Variants in MEMO1 observed in about 807,000 individuals in gnomAD.
The protein encoded by MEMO1 is protein MEMO1.
MEMO1 carries 6 observed loss-of-function variants against 45.2 expected under a neutral mutation model. The ratio of observed to expected loss-of-function variants is 0.13; its 90% confidence interval spans 0.07 to 0.26. The LOEUF (loss-of-function observed/expected upper bound fraction) is 0.26. Ranked by LOEUF, MEMO1 falls within the 10% of genes least tolerant of loss-of-function variation. MEMO1 has a pLI of 1.00. For synonymous variants in MEMO1, 78 were observed against 124.3 expected, an observed-to-expected ratio of 0.63 and a Z score of 2.48; for missense variants, 184 against 370.5, an observed-to-expected ratio of 0.50 and a Z score of 4.13.
chr2:31,968,107 T>C (rs541913075), intron 2 of MEMO1, among the ~76,000 whole-genome samples: 15 of 152,252 alleles, frequency 9.9e-5, no homozygotes, highest in African/African-American at 2.6e-4. Flanking sequence ...AAGAGCCAAA[T>C]AGAATAGAAT....
intron 3 of MEMO1, among the ~76,000 whole-genome samples, chr2:31,933,339 AAAAAAAAAAATTTATATATATATATAT>A (rs1664450742): frequency 1.5e-5 from 1 of 66,794 alleles, no homozygotes; most frequent in African/African-American, 6.6e-5. Context: ...AAAAAAAAAA[AAAAAAAAAAATTTATATATATATATAT>A]ATATATATAT....
At chr2:31,914,047 T>A (rs897414187) in intron 6 of MEMO1, among the ~76,000 whole-genome samples, 1 of 152,156 alleles carries the variant, frequency 6.6e-6, no homozygotes, top group African/African-American at 2.4e-5. Flanking sequence ...AAGAGAGAAG[T>A]CCTGAAGGGT....
intron 6 of MEMO1, among the ~76,000 whole-genome samples, chr2:31,907,653 T>A (rs1215111287): frequency 6.6e-6 from 1 of 151,750 alleles, no homozygotes; most frequent in African/African-American, 2.4e-5. Flanking sequence ...ATTAGCCAGG[T>A]GTGGTGTTGT....
chr2:31,954,432 T>C (rs960042646), intron 2 of MEMO1, among the ~76,000 whole-genome samples: 11 of 152,138 alleles, frequency 7.2e-5, no homozygotes, highest in Non-Finnish European at 1.2e-4. Flanking sequence ...TACCAAGACC[T>C]TGTCTCTATT....
chr2:31,950,584 A>G (rs1197335298), intron 2 of MEMO1, among the ~76,000 whole-genome samples: 1 of 151,498 alleles, frequency 6.6e-6, no homozygotes, highest in Non-Finnish European at 1.5e-5. Context: ...CTAGCCAGGC[A>G]TGGTGGCGCA....
chr2:31,982,690 C>T (rs1020837960), intron 2 of MEMO1, among the ~76,000 whole-genome samples: 1 of 151,412 alleles, frequency 6.6e-6, no homozygotes, highest in Non-Finnish European at 1.5e-5. Context: ...ACGCTAAAGG[C>T]ACAAAAGCTG....
rs17011688 is a variant in MEMO1 at position 31,920,249 on chromosome 2, C to T, written c.325+549G>A. Among the ~76,000 whole-genome samples the T allele has an allele frequency of 3.5e-3, 534 of 151,410 alleles. 13 individuals carry two copies. The East Asian group carries it at 0.064, about 18-fold the overall frequency. ...TTGTGTAAGAACTACTAAATAAAAA[C>T]GTGACTCTGGACGCCTATGGAAAAA... On this transcript the variant is annotated intron_variant, in intron 5 of 9. Transcript: ENST00000404530.
chr2:32,005,349 A>G (rs1673934283), intron 2 of MEMO1, among the ~76,000 whole-genome samples: 2 of 151,062 alleles, frequency 1.3e-5, no homozygotes, highest in African/African-American at 4.9e-5. Flanking sequence ...AGCTCAAAGA[A>G]TACATACTAT....
intron 2 of MEMO1, among the ~76,000 whole-genome samples, chr2:31,998,969 G>C (rs895074791): frequency 1.3e-5 from 2 of 152,082 alleles, no homozygotes; most frequent in African/African-American, 2.4e-5. Flanking sequence ...CGCCAAACTT[G>C]TTCCTCTTAG....
At chr2:31,979,884 G>A (rs1670436991) in intron 2 of MEMO1, among the ~76,000 whole-genome samples, 1 of 151,702 alleles carries the variant, frequency 6.6e-6, no homozygotes, top group Admixed American at 6.6e-5. Flanking sequence ...CCTGTGAAAT[G>A]TTACTATGTA....
At chr2:31,961,452 T>C (rs922417942) in intron 2 of MEMO1, among the ~76,000 whole-genome samples, 3 of 151,878 alleles carry the variant, frequency 2.0e-5, no homozygotes, top group Admixed American at 1.3e-4. Flanking sequence ...TCAGGCACAC[T>C]ACTGGGTTCT....
At chr2:31,948,935 A>G (rs1417283815) in intron 2 of MEMO1, among the ~76,000 whole-genome samples, 1 of 152,244 alleles carries the variant, frequency 6.6e-6, no homozygotes, top group Non-Finnish European at 1.5e-5. Flanking sequence ...TAATAATTGT[A>G]TCAAAAATGG....
At chr2:31,910,937 AAT>A (rs1680471229) in intron 6 of MEMO1, among the ~76,000 whole-genome samples, 1 of 152,158 alleles carries the variant, frequency 6.6e-6, no homozygotes, top group Non-Finnish European at 1.5e-5. Flanking sequence ...TAATAAAAAC[AAT>A]ATAAACATAT....
At position 31,977,590 on chromosome 2, in the gene MEMO1, C is replaced by T. The variant is rs187810692; in HGVS notation, c.61+32597G>A. ...GTACAGTGGCACGATCTCAGCTCAC[C>T]ACAACCTCTGCCTCCTAGGTACAAG... is the stretch of plus-strand genomic sequence containing the variant. On this transcript the variant is annotated intron_variant, in intron 2 of 9. Coordinates refer to ENST00000404530, the MANE Select transcript of MEMO1 (RefSeq NM_001301833.4). Among the ~76,000 whole-genome samples the T allele has an allele frequency of 2.5e-3, 385 of 152,142 alleles. 5 individuals carry two copies. The highest frequency in any genetic ancestry group is 4.2e-3 in the Non-Finnish European group (283 of 67,984).
chr2:31,969,811 T>C (rs191949078), intron 2 of MEMO1, among the ~76,000 whole-genome samples: 105 of 151,484 alleles, frequency 6.9e-4, no homozygotes, highest in African/African-American at 2.3e-3. Context: ...GATCTTACTA[T>C]ATTGCCCAGT....
intron 2 of MEMO1, among the ~76,000 whole-genome samples, chr2:31,954,054 C>T (rs998766313): frequency 6.6e-6 from 1 of 152,114 alleles, no homozygotes; most frequent in Non-Finnish European, 1.5e-5. Context: ...CTACTTGGGA[C>T]ACATATAGCC....
chr2:31,892,901 G>C (rs1377551571), intron 6 of MEMO1, among the ~76,000 whole-genome samples: 3 of 152,054 alleles, frequency 2.0e-5, no homozygotes, highest in Non-Finnish European at 2.9e-5. Context: ...ATGAGCTATA[G>C]AAACAGATGT....
At chr2:31,940,052 C>T (rs552354123) in intron 3 of MEMO1, among the ~76,000 whole-genome samples, 2 of 152,300 alleles carry the variant, frequency 1.3e-5, no homozygotes, top group East Asian at 3.9e-4. Context: ...TCCCCCGACA[C>T]ATTTTTCATC....
At chr2:31,898,528 G>T (rs951894872) in intron 6 of MEMO1, among the ~76,000 whole-genome samples, 1 of 152,164 alleles carries the variant, frequency 6.6e-6, no homozygotes, top group African/African-American at 2.4e-5. Flanking sequence ...GTGCGGTTTT[G>T]AGTGAGTTTC....
Sources: gnomAD v4.1 joint callset for allele counts (sites outside exome capture counted in the v4.1 genomes callset) on GRCh38, gnomAD v4.1.1 for gene constraint, MANE v1.5 for transcripts, NCBI Gene and HGNC (gene_info 2026-07-23, HGNC 2026-07-21) for gene names.